The following HECW2 variants were observed in gnomAD, a reference collection of about 807,000 sequenced individuals.
The protein encoded by HECW2 is E3 ubiquitin-protein ligase HECW2.
A neutral mutation model predicts 175.2 loss-of-function variants in HECW2; 61 were observed. The ratio of observed to expected loss-of-function variants is 0.35; its 90% confidence interval spans 0.28 to 0.43. HECW2 has a LOEUF of 0.43. Ranked by LOEUF, HECW2 falls within the 20% of genes least tolerant of loss-of-function variation. The pLI is 1.00. For synonymous variants in HECW2, 671 were observed against 731.0 expected, an observed-to-expected ratio of 0.92 and a Z score of 1.32; for missense variants, 1,524 against 2,000.5, an observed-to-expected ratio of 0.76 and a Z score of 4.54.
intron 2 of HECW2, among the ~76,000 whole-genome samples, chr2:196,364,704 C>T (rs1243267089): frequency 6.6e-6 from 1 of 152,096 alleles, no homozygotes; most frequent in East Asian, 1.9e-4. Context: ...AAACATAGCC[C>T]CTGCCCTCAC....
At chr2:196,286,480 A>C (rs1004751571) in intron 14 of HECW2, among the ~76,000 whole-genome samples, 1 of 151,758 alleles carries the variant, frequency 6.6e-6, no homozygotes, top group African/African-American at 2.4e-5. Context: ...CAATTCCTTC[A>C]AGATTCCATG....
intron 17 of HECW2, among the ~76,000 whole-genome samples, chr2:196,262,711 A>C (rs955077270): frequency 1.3e-5 from 2 of 152,064 alleles, no homozygotes; most frequent in African/African-American, 4.8e-5. Flanking sequence ...GATTACAGGA[A>C]TGCGCCACCA....
intron 17 of HECW2, chr2:196,263,689 A>G (rs1230125505): frequency 1.3e-5 from 2 of 152,228 alleles, no homozygotes; most frequent in Admixed American, 6.5e-5. Context: ...ATTTAAGTCC[A>G]TTATGGTCAT....
At chr2:196,439,030 C>A (rs948169563) in intron 1 of HECW2, among the ~76,000 whole-genome samples, 1 of 151,940 alleles carries the variant, frequency 6.6e-6, no homozygotes, top group African/African-American at 2.4e-5. Context: ...AAATATATAC[C>A]GGTTATTTGT....
At chr2:196,360,334 GTACATA>G (rs1330786835) in intron 2 of HECW2, among the ~76,000 whole-genome samples, 1 of 152,116 alleles carries the variant, frequency 6.6e-6, no homozygotes, top group Non-Finnish European at 1.5e-5. Flanking sequence ...AGAAAATGTA[GTACATA>G]TACACCATGG....
chr2:196,429,657 A>T (rs1366979306), intron 2 of HECW2, among the ~76,000 whole-genome samples: 4 of 152,226 alleles, frequency 2.6e-5, no homozygotes, highest in Non-Finnish European at 5.9e-5. Context: ...GAGAAAAGAG[A>T]AACTTATGAG....
intron 2 of HECW2, among the ~76,000 whole-genome samples, chr2:196,395,669 A>C (rs1169659222): frequency 1.3e-5 from 2 of 151,704 alleles, no homozygotes; most frequent in East Asian, 3.9e-4. Context: ...CCAAAATCAC[A>C]ATGATACCAC....
At position 196,350,657 on chromosome 2, in the gene HECW2, A is replaced by G. The variant is rs558527866; in HGVS notation, c.293-6893T>C. On this transcript the variant is annotated intron_variant, in intron 2 of 28. Transcript: ENST00000644978. Reference sequence around the variant, plus strand: ...TCATTTGACAGGTATTTATTGACTGACTACTATGAAGACCATAAGCATCTA... The same window carrying G: ...TCATTTGACAGGTATTTATTGACTGGCTACTATGAAGACCATAAGCATCTA... Among the ~76,000 whole-genome samples the G allele has an allele frequency of 5.9e-5, 9 of 152,334 alleles. 1 individual carries two copies. The South Asian group carries it at 1.9e-3, about 32-fold the overall frequency.
chr2:196,538,858 C>T (rs1315738056), intron 1 of HECW2, among the ~76,000 whole-genome samples: 2 of 152,108 alleles, frequency 1.3e-5, no homozygotes, highest in Admixed American at 6.5e-5. Flanking sequence ...ACCTAGGAAC[C>T]AGCCGCCTCC....
At chr2:196,338,459 T>C (rs1235063296) in intron 3 of HECW2, among the ~76,000 whole-genome samples, 1 of 152,228 alleles carries the variant, frequency 6.6e-6, no homozygotes, top group African/African-American at 2.4e-5. Context: ...CTATTCAAAA[T>C]TATTTTTTAG....
chr2:196,487,088 G>A (rs1687033799), intron 1 of HECW2, among the ~76,000 whole-genome samples: 1 of 151,080 alleles, frequency 6.6e-6, no homozygotes, highest in South Asian at 2.1e-4. Context: ...GACGGAGGTT[G>A]TGGTGAGCCA....
chr2:196,271,280 T>C lies in HECW2; in HGVS notation c.3248A>G (p.Asp1083Gly). The stretch of plus-strand genomic sequence containing the variant: ...TTGACGTAGAAATGCAACAATCTTG[T>C]CATTGTAAGCTGAAAAAAAAATCAG... ...YQDMVPVAYN[D>G]KIVAFLRQPN... The change falls in exon 17 of 29, where the codon GAC becomes GGC. Residue 1083 changes from aspartate (D) to glycine (G), a missense_variant. This residue lies in a region of HECW2 where 291 missense variants were observed against 412.2 expected (regional missense o/e 0.71). Transcript: ENST00000644978. 1 of 1,603,244 alleles carries C rather than the reference T, an allele frequency of 6.2e-7. No homozygotes were observed.
At chr2:196,274,438 C>T (rs561639448) in intron 15 of HECW2, among the ~76,000 whole-genome samples, 1 of 152,324 alleles carries the variant, frequency 6.6e-6, no homozygotes, top group Non-Finnish European at 1.5e-5. Context: ...CAGACTTGTT[C>T]ATCAGGACTA....
intron 1 of HECW2, among the ~76,000 whole-genome samples, chr2:196,458,870 C>T (rs895502375): frequency 6.6e-6 from 1 of 151,860 alleles, no homozygotes; most frequent in East Asian, 1.9e-4. Flanking sequence ...GTCTCAACAA[C>T]AACAACAACA....
At chr2:196,503,932 G>A (rs1048049951) in intron 1 of HECW2, among the ~76,000 whole-genome samples, 4 of 152,130 alleles carry the variant, frequency 2.6e-5, no homozygotes, top group Admixed American at 2.0e-4. Flanking sequence ...CACCAACCCA[G>A]GGACTCCCAC....
intron 21 of HECW2, among the ~76,000 whole-genome samples, chr2:196,231,480 C>A (rs1688054920): frequency 6.6e-6 from 1 of 152,204 alleles, no homozygotes; most frequent in Admixed American, 6.5e-5. Flanking sequence ...CTGCCCCACC[C>A]TCTGGTTTGT....
intron 2 of HECW2, among the ~76,000 whole-genome samples, chr2:196,394,044 A>G (rs1331824967): frequency 1.3e-5 from 2 of 152,040 alleles, no homozygotes; most frequent in Admixed American, 1.3e-4. Flanking sequence ...TGAGCAAACT[A>G]TCACAAGGAC....
intron 1 of HECW2, among the ~76,000 whole-genome samples, chr2:196,521,350 T>G (rs1035245963): frequency 6.6e-5 from 10 of 150,864 alleles, no homozygotes; most frequent in Admixed American, 5.9e-4. Context: ...CATACCTAAT[T>G]TTATACAGAA....
chr2:196,387,685 T>C (rs892889668), intron 2 of HECW2, among the ~76,000 whole-genome samples: 6 of 152,178 alleles, frequency 3.9e-5, no homozygotes, highest in African/African-American at 7.2e-5. Context: ...TATATCTACA[T>C]ATCTATATAT....
Sources: gnomAD v4.1 joint callset for allele counts (sites outside exome capture counted in the v4.1 genomes callset) on GRCh38, gnomAD v4.1.1 for gene constraint, gnomAD v4.1.1 regional missense constraint, MANE v1.5 for transcripts, NCBI Gene and HGNC (gene_info 2026-07-23, HGNC 2026-07-21) for gene names.